PITPNC1: variants seen among roughly 807,000 people sequenced by gnomAD.
The protein encoded by PITPNC1 is cytoplasmic phosphatidylinositol transfer protein 1.
In PITPNC1, 18 loss-of-function variants were observed where a neutral mutation model predicts 44.7. The observed-to-expected ratio is 0.40, with a 90% CI of 0.28 to 0.60. The LOEUF is 0.60. Among genes scored for constraint, PITPNC1 ranks in the 20% least tolerant of loss-of-function variants. PITPNC1 has a pLI of 0.39. For missense variants in PITPNC1, 290 were observed against 418.4 expected, an observed-to-expected ratio of 0.69 and a Z score of 2.68; for synonymous variants, 141 against 149.6, an observed-to-expected ratio of 0.94 and a Z score of 0.42.
At chr17:67,406,652 T>C (rs183500905) in intron 1 of PITPNC1, among the ~76,000 whole-genome samples, 1 of 151,672 alleles carries the variant, frequency 6.6e-6, no homozygotes, top group East Asian at 1.9e-4. Context: ...ATTGGTGCGA[T>C]CTCAGCCCAC....
intron 1 of PITPNC1, among the ~76,000 whole-genome samples, chr17:67,404,001 G>A (rs530185055): frequency 1.3e-5 from 2 of 152,278 alleles, no homozygotes; most frequent in African/African-American, 2.4e-5. Context: ...CAGCCTGGGC[G>A]ACTGAGCCAG....
At chr17:67,598,387 G>A (rs1228448380) in intron 5 of PITPNC1, among the ~76,000 whole-genome samples, 3 of 152,210 alleles carry the variant, frequency 2.0e-5, no homozygotes, top group Non-Finnish European at 2.9e-5. Flanking sequence ...CAACTAAGGC[G>A]AGGAATTTTT....
At chr17:67,689,493 T>A (rs975133426) in intron 8 of PITPNC1, among the ~76,000 whole-genome samples, 17 of 152,202 alleles carry the variant, frequency 1.1e-4, no homozygotes, top group African/African-American at 2.9e-4. Flanking sequence ...TCCTGTATCA[T>A]AATGAAAAGC....
At chr17:67,641,494 G>A (rs1283589333) in intron 6 of PITPNC1, among the ~76,000 whole-genome samples, 2 of 152,082 alleles carry the variant, frequency 1.3e-5, no homozygotes, top group Admixed American at 6.6e-5. Context: ...GTTTTAGGTG[G>A]CCGGATAATA....
chr17:67,405,106 G>T (rs2038375760), intron 1 of PITPNC1, among the ~76,000 whole-genome samples: 1 of 152,102 alleles, frequency 6.6e-6, no homozygotes, highest in Non-Finnish European at 1.5e-5. Flanking sequence ...AATTAGCCAG[G>T]CATGATGGCG....
chr17:67,578,996 A>G (rs896321628), intron 5 of PITPNC1, among the ~76,000 whole-genome samples: 1 of 152,246 alleles, frequency 6.6e-6, no homozygotes, highest in African/African-American at 2.4e-5. Context: ...AAATAAAAAA[A>G]GAGAAAAGGA....
intron 1 of PITPNC1, among the ~76,000 whole-genome samples, chr17:67,447,231 TCGTTC>T (rs1462761065): frequency 6.6e-6 from 1 of 151,384 alleles, no homozygotes; most frequent in Non-Finnish European, 1.5e-5. Context: ...AACCCCTAGC[TCGTTC>T]CTTGGAATGC....
chr17:67,392,348 A>G (rs929832977), intron 1 of PITPNC1, among the ~76,000 whole-genome samples: 1 of 152,198 alleles, frequency 6.6e-6, no homozygotes, highest in African/African-American at 2.4e-5. Context: ...CTCCAGATCC[A>G]GTTTCTAAAT....
At chr17:67,385,511 A>G (rs906041519) in intron 1 of PITPNC1, among the ~76,000 whole-genome samples, 3 of 124,844 alleles carry the variant, frequency 2.4e-5, no homozygotes, top group Non-Finnish European at 3.3e-5. Context: ...GGCACCTTCC[A>G]GGCTGTGGAA....
chr17:67,392,001 C>T lies in PITPNC1; in HGVS notation c.48+13799C>T, dbSNP rs942106900. 4.6e-5 allele frequency among the ~76,000 whole-genome samples: 7 copies of T among 152,026 alleles called. No individual in the cohort carries two copies. The South Asian group carries it at 1.5e-3, about 32-fold the overall frequency. ...CTCTTCGAAAATAACTTTTGTATTTCGTGCTCTAAAAAGAGAACCACCCCT... is the reference window on the plus strand; with the variant it reads ...CTCTTCGAAAATAACTTTTGTATTTTGTGCTCTAAAAAGAGAACCACCCCT... On this transcript the variant is annotated intron_variant, in intron 1 of 8. Transcript: ENST00000581322.
chr17:67,397,538 G>T (rs2038238142), intron 1 of PITPNC1, among the ~76,000 whole-genome samples: 1 of 152,144 alleles, frequency 6.6e-6, no homozygotes, highest in South Asian at 2.1e-4. Flanking sequence ...GACGTCGGGG[G>T]TTAATGGATT....
At chr17:67,483,002 G>A (rs973694169) in intron 1 of PITPNC1, among the ~76,000 whole-genome samples, 2 of 115,638 alleles carry the variant, frequency 1.7e-5, no homozygotes, top group African/African-American at 7.3e-5. Flanking sequence ...ATATTATGCC[G>A]CTTGGTAGTC....
chr17:67,518,745 G>A (rs1246698860), intron 1 of PITPNC1, among the ~76,000 whole-genome samples: 1 of 152,224 alleles, frequency 6.6e-6, no homozygotes, highest in Non-Finnish European at 1.5e-5. Flanking sequence ...AGGATCAGTT[G>A]AGACTAGCCT....
intron 1 of PITPNC1, among the ~76,000 whole-genome samples, chr17:67,380,642 A>G (rs1456160663): frequency 2.6e-5 from 4 of 152,322 alleles, no homozygotes; most frequent in East Asian, 1.9e-4. Flanking sequence ...TTAAACCCCT[A>G]GAGTCAGAAC....
chr17:67,619,718 C>T (rs2041806129), intron 5 of PITPNC1, among the ~76,000 whole-genome samples: 1 of 152,146 alleles, frequency 6.6e-6, no homozygotes, highest in African/African-American at 2.4e-5. Context: ...TTCTCCTCCC[C>T]TCCCCGCTCC....
intron 1 of PITPNC1, among the ~76,000 whole-genome samples, chr17:67,521,516 T>TATTGACCAGGCTGAGAGACA (rs1235676009): frequency 6.6e-6 from 1 of 152,202 alleles, no homozygotes; most frequent in Non-Finnish European, 1.5e-5. Context: ...TTTCATGGTT[T>TATTGACCAGGCTGAGAGACA]ATTGACCAGG....
At chr17:67,663,413 A>G (rs1054679025) in intron 6 of PITPNC1, among the ~76,000 whole-genome samples, 4 of 152,150 alleles carry the variant, frequency 2.6e-5, no homozygotes, top group Middle Eastern at 3.4e-3. Context: ...TCCTAAAGAT[A>G]CAAAAAATTA....
intron 5 of PITPNC1, among the ~76,000 whole-genome samples, chr17:67,616,675 T>C (rs1028730584): frequency 6.6e-6 from 1 of 152,132 alleles, no homozygotes; most frequent in Non-Finnish European, 1.5e-5. Flanking sequence ...GGTGCTCTTT[T>C]TAGACACAAA....
At position 67,572,841 on chromosome 17, in the gene PITPNC1, G is replaced by T. The variant is rs2041081764; in HGVS notation, c.295-5345G>T. On this transcript the variant is annotated intron_variant, in intron 4 of 8. Transcript: ENST00000581322. Reference sequence around the variant, plus strand: ...GATTTAGGGTGGGTCCAAATCCAATGACTTTTGTCCTTGTAAGAAGAGAAG... The same window carrying T: ...GATTTAGGGTGGGTCCAAATCCAATTACTTTTGTCCTTGTAAGAAGAGAAG... Among the ~76,000 whole-genome samples, 5 of 151,210 alleles carry T rather than the reference G, an allele frequency of 3.3e-5. No homozygotes were observed. The South Asian group carries it at 8.4e-4, about 25-fold the overall frequency.
Sources: gnomAD v4.1 joint callset for allele counts (sites outside exome capture counted in the v4.1 genomes callset) on GRCh38, gnomAD v4.1.1 for gene constraint, MANE v1.5 for transcripts, NCBI Gene and HGNC (gene_info 2026-07-23, HGNC 2026-07-21) for gene names.